The following ANAPC1 variants were observed in gnomAD, a reference collection of about 807,000 sequenced individuals.
ANAPC1 encodes the protein anaphase promoting complex subunit 1.
In ANAPC1, 36 loss-of-function variants were observed where a neutral mutation model predicts 208.0. The observed-to-expected ratio is 0.17, with a 90% CI of 0.13 to 0.23. ANAPC1 has a LOEUF of 0.23. ANAPC1 is among the 10% of genes least tolerant of loss of function. ANAPC1 has a pLI of 1.00. For synonymous variants in ANAPC1, 378 were observed against 695.2 expected, an observed-to-expected ratio of 0.54 and a Z score of 7.18; for missense variants, 942 against 2,011.6, an observed-to-expected ratio of 0.47 and a Z score of 10.17.
chr2:111,775,927 A>C (rs1483333474), intron 46 of ANAPC1, among the ~76,000 whole-genome samples: 8 of 152,294 alleles, frequency 5.3e-5, no homozygotes, highest in African/African-American at 1.9e-4. Context: ...AATACAATGC[A>C]GCTTTTAAAT....
chr2:111,880,672 C>G lies in ANAPC1; in HGVS notation c.154G>C (p.Asp52His). 2 of 1,613,448 alleles carry G rather than the reference C, an allele frequency of 1.2e-6. No individual in the cohort carries two copies. The highest frequency in any genetic ancestry group is 1.7e-6 in the Non-Finnish European group (2 of 1,179,856). ...GATCCCACCAAGCCAGCAGCACCAT[C>G]AGAAGACCATAATTCAGAAGCTGGC... ...LQPASELWSS[D>H]GAAGLVGSLQ... The change falls in exon 2 of 48, where the codon GAT becomes CAT. Residue 52 changes from aspartate to histidine, a missense_variant. By Grantham distance (81) the Asp-to-His change is moderately conservative. Transcript: ENST00000341068.
chr2:111,873,806 A>G (rs1371639629), intron 3 of ANAPC1, 142 bp from the exon 4 acceptor site: 26 of 694,892 alleles, frequency 3.7e-5, no homozygotes, highest in Non-Finnish European at 5.5e-5. Context: ...GGGAACAAAA[A>G]GAATAAGAAA....
intron 37 of ANAPC1, among the ~76,000 whole-genome samples, chr2:111,792,842 G>C (rs1210790713): frequency 6.6e-6 from 1 of 152,072 alleles, no homozygotes; most frequent in East Asian, 1.9e-4. Flanking sequence ...GGTCCCAGCT[G>C]CTCGGGAGGC....
At position 111,851,571 on chromosome 2, in the gene ANAPC1, C is replaced by G. The variant is rs186297278; in HGVS notation, c.1516-661G>C. 9.4e-3 allele frequency among the ~76,000 whole-genome samples: 1,423 copies of G among 151,914 alleles called. 25 individuals carry two copies. Among genetic ancestry groups the G allele is most frequent in the African/African-American group, 0.033 (1,363 of 41,410 alleles). On this transcript the variant is annotated intron_variant, in intron 13 of 47. Coordinates refer to ENST00000341068, the MANE Select transcript of ANAPC1 (RefSeq NM_022662.4). Reference sequence around the variant, plus strand: ...CCTGTAATCCTAACACTTTGGGAGGCCGAGGCGGGCGGATCACAAGGTCAG... The same window carrying G: ...CCTGTAATCCTAACACTTTGGGAGGGCGAGGCGGGCGGATCACAAGGTCAG...
chr2:111,868,612 C>A (rs1232927750), intron 6 of ANAPC1, among the ~76,000 whole-genome samples: 3 of 152,188 alleles, frequency 2.0e-5, no homozygotes, highest in African/African-American at 7.2e-5. Context: ...CTCACTACAA[C>A]CTCCACCTCC....
At chr2:111,778,209 T>C (rs1677090458) in intron 45 of ANAPC1, among the ~76,000 whole-genome samples, 1 of 152,186 alleles carries the variant, frequency 6.6e-6, no homozygotes, top group South Asian at 2.1e-4. Context: ...ACAAGAGAAA[T>C]TTAAAAATGA....
At chr2:111,817,473 A>T (rs975636163) in intron 27 of ANAPC1, among the ~76,000 whole-genome samples, 1 of 151,856 alleles carries the variant, frequency 6.6e-6, no homozygotes, top group African/African-American at 2.4e-5. Flanking sequence ...AATTGTTAAA[A>T]TTTTGCCATA....
chr2:111,802,355 G>GC, intron 33 of ANAPC1, 73 bp downstream of exon 33: 1 of 1,157,442 alleles, frequency 8.6e-7, no homozygotes, highest in Non-Finnish European at 1.3e-6. Context: ...AAGCCACTGT[G>GC]CCCGGCTTAC....
At chr2:111,839,642 A>G (rs1680654097) in intron 17 of ANAPC1, among the ~76,000 whole-genome samples, 1 of 152,262 alleles carries the variant, frequency 6.6e-6, no homozygotes, top group South Asian at 2.1e-4. Context: ...TTCAAATAAA[A>G]AACAGCCCAA....
At chr2:111,855,630 A>G (rs866508595) in intron 13 of ANAPC1, among the ~76,000 whole-genome samples, 5 of 152,220 alleles carry the variant, frequency 3.3e-5, no homozygotes, top group African/African-American at 1.2e-4. Flanking sequence ...CTTTTTTTAT[A>G]TAAAAATTCA....
chr2:111,800,434 T>C (rs1678385842), intron 34 of ANAPC1, among the ~76,000 whole-genome samples: 1 of 134,916 alleles, frequency 7.4e-6, no homozygotes, highest in Non-Finnish European at 1.6e-5. Context: ...AGATCTAAAA[T>C]TGTCACGAAG....
intron 3 of ANAPC1, among the ~76,000 whole-genome samples, chr2:111,877,140 T>C (rs1558746404): frequency 6.6e-6 from 1 of 150,472 alleles, no homozygotes; most frequent in African/African-American, 2.4e-5. Context: ...GATGTTCTCC[T>C]ATAAAACCAT....
intron 13 of ANAPC1, among the ~76,000 whole-genome samples, chr2:111,853,963 G>C (rs1681557497): frequency 6.6e-6 from 1 of 152,122 alleles, no homozygotes; most frequent in Non-Finnish European, 1.5e-5. Context: ...TGATCCACCT[G>C]CCTCGGCCTC....
At chr2:111,828,566 A>G (rs1679959630) in intron 21 of ANAPC1, among the ~76,000 whole-genome samples, 1 of 152,256 alleles carries the variant, frequency 6.6e-6, no homozygotes. Context: ...AGGTGAAATG[A>G]TAAATTGTGG....
rs557070137 is a variant in ANAPC1, at chr2:111,847,479, C to T, written c.1791+246G>A. On this transcript the variant is annotated intron_variant, in intron 15 of 47. Transcript: ENST00000341068. The stretch of plus-strand genomic sequence containing the variant: ...CTTTTAATGAGAAGACAAAAAATCA[C>T]ATCAATATACAATTCAACTGACTCA... Among the ~76,000 whole-genome samples, 6 of 152,292 alleles carry T rather than the reference C, an allele frequency of 3.9e-5. No individual in the cohort carries two copies. The South Asian group carries it at 1.2e-3, about 32-fold the overall frequency.
At chr2:111,857,941 C>T (rs1425223149) in intron 11 of ANAPC1, among the ~76,000 whole-genome samples, 4 of 147,280 alleles carry the variant, frequency 2.7e-5, no homozygotes, top group African/African-American at 5.0e-5. Flanking sequence ...AAGCTAAACA[C>T]AAAAAGGTAC....
chr2:111,822,898 G>A (rs1290666933), intron 24 of ANAPC1, among the ~76,000 whole-genome samples: 2 of 151,660 alleles, frequency 1.3e-5, no homozygotes, highest in Non-Finnish European at 2.9e-5. Flanking sequence ...CCTAATTAGG[G>A]ATCAGGAAAA....
At chr2:111,845,191 C>T (rs369836503) in intron 16 of ANAPC1, among the ~76,000 whole-genome samples, 42 of 152,274 alleles carry the variant, frequency 2.8e-4, no homozygotes, top group Middle Eastern at 3.4e-3. Flanking sequence ...TAGCACTACA[C>T]TGTCATACAA....
At chr2:111,882,868 C>T (rs1396061007) in intron 1 of ANAPC1, among the ~76,000 whole-genome samples, 2 of 151,200 alleles carry the variant, frequency 1.3e-5, no homozygotes, top group African/African-American at 4.9e-5. Context: ...TAAAAAGTGC[C>T]TTATAAAACT....
Sources: gnomAD v4.1 joint callset for allele counts (sites outside exome capture counted in the v4.1 genomes callset) on GRCh38, gnomAD v4.1.1 for gene constraint, MANE v1.5 for transcripts, NCBI Gene and HGNC (gene_info 2026-07-23, HGNC 2026-07-21) for gene names.